TERT: variants seen among roughly 807,000 people sequenced by gnomAD.
TERT encodes telomerase reverse transcriptase, also known as telomerase catalytic subunit.
TERT carries 42 observed loss-of-function variants against 104.0 expected under a neutral mutation model. The observed-to-expected ratio is 0.40, with a 90% confidence interval of 0.32 to 0.52. The LOEUF is 0.52. TERT is among the 20% of genes least tolerant of loss of function. TERT has a pLI of 0.43. For synonymous variants in TERT, 781 were observed against 725.6 expected (o/e 1.08, Z -1.23); for missense variants, 1,101 against 1,610.3 (o/e 0.68, Z 5.41).
chr5:1,288,386 C>T lies in TERT; in HGVS notation c.1573+4927G>A, dbSNP rs1323086328. ...AGAGATAGAAACGTCAGAGGTAAAT[C>T]AGTGAAATTCAAAACTAAGACCCAA... On this transcript the variant is annotated intron_variant, in intron 2 of 15. Coordinates refer to ENST00000310581, the MANE Select transcript of TERT (RefSeq NM_198253.3). The surrounding 1 kb of genome is among the most constrained non-coding windows in gnomAD (Gnocchi z 5.3). Among the ~76,000 whole-genome samples the T allele has an allele frequency of 6.6e-6, 1 of 152,124 alleles. No homozygotes were observed. The highest frequency in any genetic ancestry group is 1.5e-5 in the Non-Finnish European group (1 of 68,024).
Position 1,279,355 on chromosome 5 carries a change from G to T in TERT, c.2066C>A (p.Ala689Asp). 1 of 1,578,280 alleles carries T rather than the reference G, an allele frequency of 6.3e-7. No homozygotes were observed. The highest frequency in any genetic ancestry group is 1.2e-5 in the South Asian group (1 of 86,202). Residue 689 changes from alanine (A) to aspartate (D), a missense_variant, in exon 5 of 16, where the codon GCC becomes GAC. Transcript: ENST00000310581. ...CACACGCAGCACGAAGGTGCGCCAG[G>T]CCCTGTGGATATCGTCCAGGCCCAG... ...SVLGLDDIHRAWRTFVLRVRA... is the reference protein window; with the variant it reads ...SVLGLDDIHRDWRTFVLRVRA...
In TERT at chr5:1,293,448, A is replaced by G. The variant is rs917650159; in HGVS notation, c.1438T>C (p.Ser480Pro). 4 of 1,611,202 alleles carry G rather than the reference A, an allele frequency of 2.5e-6. No individual in the cohort carries two copies. The highest frequency in any genetic ancestry group is 3.4e-6 in the Non-Finnish European group (4 of 1,179,350). Reference protein sequence around the residue: ...RRLVPPGLWGSRHNERRFLRN... With the variant: ...RRLVPPGLWGPRHNERRFLRN... ...AGGAAGCGGCGTTCGTTGTGCCTGG[A>G]GCCCCAGAGGCCTGGGGGCACCAGC... The change falls in exon 2 of 16, where the codon TCC becomes CCC. Residue 480 changes from serine to proline, a missense_variant. Physicochemically the swap from Ser to Pro is moderately conservative, Grantham distance 74. This residue lies in a region of TERT where 504 missense variants were observed against 544.6 expected (regional missense o/e 0.93). Transcript: ENST00000310581.
chr5:1,279,163 C>T, intron 5 of TERT, 128 bp downstream of exon 5: 1 of 1,109,484 alleles, frequency 9.0e-7, no homozygotes, highest in Non-Finnish European at 1.3e-6. Context: ...GTGTCCTCAA[C>T]AGTGACAGGG....
chr5:1,253,541 G>T lies in TERT; in HGVS notation c.*187C>A, dbSNP rs556129131. The T allele has an allele frequency of 1.3e-5, 8 of 627,330 alleles. No homozygotes were observed. The highest frequency in any genetic ancestry group is 9.0e-5 in the African/African-American group (5 of 55,312). The allele number at this position is 627,330 out of a possible 1,614,324, so 38.9% of individuals were successfully genotyped here. ...ACACTCAGCCCTTGGCTGGACACTC[G>T]CTCAGGCCTCAGCCGGACACTCAGC... On this transcript the variant is annotated 3_prime_UTR_variant, in exon 16 of 16. Coordinates refer to ENST00000310581, the MANE Select transcript of TERT (RefSeq NM_198253.3).
At chr5:1,285,894 C>G (rs1051677668) in intron 2 of TERT, among the ~76,000 whole-genome samples, 3 of 151,962 alleles carry the variant, frequency 2.0e-5, no homozygotes, top group African/African-American at 4.8e-5. Context: ...ATCCACATGG[C>G]TCACGTCATG....
chr5:1,262,669 G>T lies in TERT; in HGVS notation c.2843+1735C>A, dbSNP rs1287889567. Among the ~76,000 whole-genome samples, 1 of 152,180 alleles carries T rather than the reference G, an allele frequency of 6.6e-6. No homozygotes were observed. Among genetic ancestry groups the T allele is most frequent in the Non-Finnish European group, 1.5e-5 (1 of 68,026 alleles). Reference sequence around the variant, plus strand: ...TTGGACCCACATCTGATGACCTGATGCCCACCCATCCTGCACTAGCCTCTG... The same window carrying T: ...TTGGACCCACATCTGATGACCTGATTCCCACCCATCCTGCACTAGCCTCTG... On this transcript the variant is annotated intron_variant, in intron 11 of 15. Transcript: ENST00000310581. The surrounding 1 kb of genome is among the most constrained non-coding windows in gnomAD (Gnocchi z 5.6).
At chr5:1,258,688 G>A (rs145270195) in intron 12 of TERT, 29 bp from the exon 13 acceptor site, 60 of 1,541,756 alleles carry the variant, frequency 3.9e-5, no homozygotes, top group African/African-American at 2.3e-4. Context: ...AGTGAGAAAC[G>A]GTAGAAACCT....
intron 6 of TERT, among the ~76,000 whole-genome samples, chr5:1,275,107 G>T (rs949759863): frequency 1.3e-5 from 2 of 152,208 alleles, no homozygotes; most frequent in African/African-American, 4.8e-5. Flanking sequence ...GGGCGCGGCG[G>T]TTCACACCTG....
rs1243453028 is a variant in TERT, at chr5:1,271,032, G to A, written c.2468+87C>T. 6.4e-6 allele frequency: 7 copies of A among 1,100,294 alleles called. No individual in the cohort carries two copies. In the African/African-American group the frequency reaches 9.2e-5, roughly 15 times the overall value. 68.2% of individuals were successfully genotyped at this position (1,100,294 alleles called of 1,614,324 possible). A position where few individuals can be genotyped will look rare whatever the true frequency, so the allele number is the denominator to read the frequency against. On this transcript the variant is annotated intron_variant, in intron 8 of 15. Coordinates refer to ENST00000310581, the MANE Select transcript of TERT (RefSeq NM_198253.3). ...TGGTGGCCCCGGGCAGAAGGGCAGT[G>A]GGGAAGGGGCAGGAGAGAGGTGAGC... is the stretch of plus-strand genomic sequence containing the variant.
rs949074987 is a variant in TERT, at chr5:1,292,944, C to T, written c.1573+369G>A. On this transcript the variant is annotated intron_variant, in intron 2 of 15. Coordinates refer to ENST00000310581, the MANE Select transcript of TERT (RefSeq NM_198253.3). The surrounding 1 kb of genome is among the most constrained non-coding windows in gnomAD (Gnocchi z 5.5). ...CCTCTCATTCCCACCCTTGAAATTG[C>T]GAAGAGGATTATAGGTAACCTGCAG... Among the ~76,000 whole-genome samples, 3 of 152,212 alleles carry T rather than the reference C, an allele frequency of 2.0e-5. No individual in the cohort carries two copies. The highest frequency in any genetic ancestry group is 7.2e-5 in the African/African-American group (3 of 41,456).
chr5:1,282,242 C>T (rs370041541), intron 3 of TERT, among the ~76,000 whole-genome samples, 187 bp downstream of exon 3: 17 of 152,344 alleles, frequency 1.1e-4, no homozygotes, highest in African/African-American at 3.1e-4. Flanking sequence ...AGTAAGAGAA[C>T]GTGAGCTCCA....
chr5:1,295,002 C>G lies in TERT; in HGVS notation c.-13G>C. ...GAGCGCGCGGCATCGCGGGGGTGGC[C>G]GGGGCCAGGGCTTCCCACGTGCGCA... On this transcript the variant is annotated 5_prime_UTR_variant, in exon 1 of 16. Coordinates refer to ENST00000310581, the MANE Select transcript of TERT (RefSeq NM_198253.3). 6.1e-6 allele frequency: 8 copies of G among 1,308,990 alleles called. No homozygotes were observed. The highest frequency in any genetic ancestry group is 2.3e-5 in the South Asian group (1 of 42,726). 81.1% of individuals were successfully genotyped at this position (1,308,990 alleles called of 1,614,324 possible).
intron 6 of TERT, among the ~76,000 whole-genome samples, chr5:1,277,067 C>T (rs1294781950): frequency 3.9e-5 from 6 of 152,232 alleles, no homozygotes; most frequent in Admixed American, 3.9e-4. Context: ...AGCCACCTCC[C>T]GCAAGAGCCC....
intron 2 of TERT, among the ~76,000 whole-genome samples, chr5:1,290,381 G>A (rs552388122): frequency 3.1e-5 from 2 of 65,294 alleles, no homozygotes; most frequent in African/African-American, 1.9e-4. Context: ...GGGACACCCG[G>A]GGACGGCGCC....
In TERT at chr5:1,257,489, G is replaced by A. The variant is rs966425257; in HGVS notation, c.3032+1109C>T. Among the ~76,000 whole-genome samples, 4 of 152,146 alleles carry A rather than the reference G, an allele frequency of 2.6e-5. No homozygotes were observed. The highest frequency in any genetic ancestry group is 2.1e-4 in the South Asian group (1 of 4,832). ...AGCTTGCACGAGGGCCCAGGCACGCGTCAGGGAGATGCAAACGAGGGAAGA... is the reference window on the plus strand; with the variant it reads ...AGCTTGCACGAGGGCCCAGGCACGCATCAGGGAGATGCAAACGAGGGAAGA... On this transcript the variant is annotated intron_variant, in intron 13 of 15. Coordinates refer to ENST00000310581, the MANE Select transcript of TERT (RefSeq NM_198253.3). The surrounding 1 kb of genome is among the most constrained non-coding windows in gnomAD (Gnocchi z 5.6).
intron 2 of TERT, chr5:1,282,864 C>A (rs1419316481): frequency 1.7e-6 from 1 of 583,718 alleles, no homozygotes. Context: ...CTGGCGAACT[C>A]ACCCCGGACC....
chr5:1,272,098 G>T, intron 7 of TERT, 87 bp downstream of exon 7: 1 of 1,137,598 alleles, frequency 8.8e-7, no homozygotes, highest in Non-Finnish European at 1.3e-6. Context: ...AGGGCCAACA[G>T]TCTGTCCGGT....
chr5:1,294,435 G>T lies in TERT; in HGVS notation c.451C>A (p.His151Asn). The change falls in exon 2 of 16, where the codon CAC (histidine) becomes AAC (asparagine). Residue 151 changes from histidine to asparagine, a missense_variant. Around this residue, in one of 5 missense-constraint regions of TERT, gnomAD observed 47 missense variants for 105.3 expected, o/e 0.45. Coordinates refer to ENST00000310581, the MANE Select transcript of TERT (RefSeq NM_198253.3). ...AAGAGCGCGCAGCGTGCCAGCAGGT[G>T]AACCAGCACGTCGTCGCCCACGCGG... ...LRRVGDDVLV[H>N]LLARCALFVL... 6.3e-7 allele frequency: 1 copy of T among 1,592,468 alleles called. No homozygotes were observed. The highest frequency in any genetic ancestry group is 8.5e-7 in the Non-Finnish European group (1 of 1,177,318).
At position 1,274,172 on chromosome 5, in the gene TERT, A is replaced by G. The variant is rs1294252522; in HGVS notation, c.2287-1892T>C. On this transcript the variant is annotated intron_variant, in intron 6 of 15. Transcript: ENST00000310581. The surrounding 1 kb of genome is among the most constrained non-coding windows in gnomAD (Gnocchi z 5.3). The stretch of plus-strand genomic sequence containing the variant: ...TTCAGCATGTTCCCCAGCCCCCAGG[A>G]GCTGGCGGCAGGGCCGTGGGCTAAA... 6.6e-6 allele frequency among the ~76,000 whole-genome samples: 1 copy of G among 152,208 alleles called. No individual in the cohort carries two copies. The highest frequency in any genetic ancestry group is 2.4e-5 in the African/African-American group (1 of 41,446).
Sources: allele counts gnomAD v4.1 joint callset (sites outside exome capture counted in the v4.1 genomes callset), GRCh38; gene constraint gnomAD v4.1.1; regional missense constraint gnomAD v4.1.1; non-coding constraint Gnocchi (gnomAD v3.1); transcripts MANE v1.5; gene names NCBI Gene and HGNC (gene_info 2026-07-23, HGNC 2026-07-21).